Variants in OPCML observed in about 807,000 individuals in gnomAD.
OPCML encodes opioid binding protein/cell adhesion molecule like.
OPCML carries 13 observed loss-of-function variants against 37.8 expected under a neutral mutation model. The observed-to-expected ratio is 0.34, with a 90% CI of 0.22 to 0.55. The LOEUF is 0.55. Ranked by LOEUF, OPCML falls within the 20% of genes least tolerant of loss-of-function variation. The pLI, the probability that OPCML is intolerant of heterozygous loss-of-function variation, is 0.91. For synonymous variants in OPCML, 176 were observed against 168.8 expected (o/e 1.04, Z -0.33); for missense variants, 341 against 435.6 (o/e 0.78, Z 1.93).
At position 132,872,335 on chromosome 11, in the gene OPCML, G is replaced by A. The variant is rs540032531; in HGVS notation, c.146+70591C>T. On this transcript the variant is annotated intron_variant, in intron 2 of 7. Coordinates refer to ENST00000524381, the MANE Select transcript of OPCML (RefSeq NM_001012393.5). ...CCTCCTGAACGTGACTATTTTCCAA[G>A]CAACCAGATGCTATGGGCTGTTGCA... is the stretch of plus-strand genomic sequence containing the variant. Among the ~76,000 whole-genome samples the A allele has an allele frequency of 1.1e-4, 17 of 152,182 alleles. No individual in the cohort carries two copies. The South Asian group carries it at 3.1e-3, about 28-fold the overall frequency.
intron 1 of OPCML, chr11:133,439,487 A>G: frequency 1.0e-6 from 1 of 969,530 alleles, no homozygotes; most frequent in Non-Finnish European, 1.2e-6. Context: ...TTCTTTTTTG[A>G]GATGGAGTCT....
chr11:132,837,640 A>G (rs1211294042), intron 2 of OPCML, among the ~76,000 whole-genome samples: 1 of 152,212 alleles, frequency 6.6e-6, no homozygotes, highest in Non-Finnish European at 1.5e-5. Context: ...TGCAGGGGAC[A>G]GGTGTGCACA....
chr11:133,419,411 T>C (rs1945835635), intron 1 of OPCML: 3 of 819,012 alleles, frequency 3.7e-6, no homozygotes, highest in Non-Finnish European at 2.9e-6. Flanking sequence ...TCAGAAATTA[T>C]ATGAGCCAAT....
chr11:133,238,549 C>T (rs1940609702), intron 1 of OPCML, among the ~76,000 whole-genome samples: 1 of 152,166 alleles, frequency 6.6e-6, no homozygotes, highest in Non-Finnish European at 1.5e-5. Context: ...TAAGTGTATG[C>T]AGTGCTTCTG....
intron 4 of OPCML, among the ~76,000 whole-genome samples, chr11:132,521,067 G>A (rs141538661): frequency 0.014 from 2,195 of 152,096 alleles, 51 homozygotes; most frequent in African/African-American, 0.05. Flanking sequence ...TTTAATAATT[G>A]CCATTCTGAC....
intron 1 of OPCML, among the ~76,000 whole-genome samples, chr11:133,499,607 C>T (rs1013717293): frequency 6.6e-6 from 1 of 151,758 alleles, no homozygotes; most frequent in African/African-American, 2.4e-5. Context: ...GAGGCAGACT[C>T]TCTGATGGAT....
At chr11:132,887,066 G>A (rs188999683) in intron 2 of OPCML, among the ~76,000 whole-genome samples, 46 of 152,290 alleles carry the variant, frequency 3.0e-4, no homozygotes, top group African/African-American at 1.0e-3. Context: ...ATCATTCTAA[G>A]ACCCTACCTG....
At chr11:132,597,880 T>C (rs889724073) in intron 3 of OPCML, among the ~76,000 whole-genome samples, 1 of 152,378 alleles carries the variant, frequency 6.6e-6, no homozygotes, top group Non-Finnish European at 1.5e-5. Flanking sequence ...CGCATTTTAA[T>C]GTGGCATAGC....
chr11:132,690,374 C>T (rs138189358), intron 2 of OPCML, among the ~76,000 whole-genome samples: 32 of 152,306 alleles, frequency 2.1e-4, no homozygotes, highest in African/African-American at 7.2e-4. Flanking sequence ...ACATCTCTAA[C>T]AAGATTAGAT....
At chr11:133,508,017 C>A (rs1948072660) in intron 1 of OPCML, among the ~76,000 whole-genome samples, 1 of 151,940 alleles carries the variant, frequency 6.6e-6, no homozygotes, top group South Asian at 2.1e-4. Flanking sequence ...TTCCCCAACA[C>A]TAGATATTAG....
chr11:132,528,816 G>T (rs2096315637), intron 4 of OPCML, among the ~76,000 whole-genome samples: 1 of 152,058 alleles, frequency 6.6e-6, no homozygotes, highest in Non-Finnish European at 1.5e-5. Context: ...TATGTCCTTT[G>T]TTCTTCATAG....
rs1371551429 is a variant in OPCML, at chr11:132,624,315, C to T, written c.379+32772G>A. On this transcript the variant is annotated intron_variant, in intron 3 of 7. Transcript: ENST00000524381. ...CCACCACACCCTTACTGAAACTGCT[C>T]ATATCACTATCATGGTATGATAACA... Among the ~76,000 whole-genome samples the T allele has an allele frequency of 6.6e-5, 10 of 152,186 alleles. No homozygotes were observed. In the East Asian group the frequency reaches 1.7e-3, roughly 26 times the overall value.
chr11:133,238,301 G>C (rs1434857971), intron 1 of OPCML, among the ~76,000 whole-genome samples: 1 of 152,150 alleles, frequency 6.6e-6, no homozygotes, highest in East Asian at 1.9e-4. Context: ...AATGCAGCTG[G>C]TCCATGCTGA....
intron 1 of OPCML, among the ~76,000 whole-genome samples, chr11:133,243,590 T>G (rs56870155): frequency 0.033 from 4,954 of 152,158 alleles, 246 homozygotes; most frequent in African/African-American, 0.11. Context: ...GCAGAGAAAG[T>G]CAGAGCTGGG....
intron 3 of OPCML, among the ~76,000 whole-genome samples, chr11:132,548,553 C>A (rs74238163): frequency 0.071 from 10,834 of 152,172 alleles, 766 homozygotes; most frequent in African/African-American, 0.17. Context: ...TTAACACTGT[C>A]GTATAAAATA....
chr11:132,528,984 C>G (rs1308509388), intron 4 of OPCML, 77 bp downstream of exon 4: 5 of 782,862 alleles, frequency 6.4e-6, no homozygotes, highest in Middle Eastern at 2.4e-4. Flanking sequence ...TTTTCTGATT[C>G]CTGAAGCTCT....
intron 4 of OPCML, among the ~76,000 whole-genome samples, chr11:132,476,159 C>CA (rs2096154719): frequency 6.6e-6 from 1 of 152,280 alleles, no homozygotes; most frequent in South Asian, 2.1e-4. Flanking sequence ...TCTTGAAGTT[C>CA]AAAAAATCTT....
intron 1 of OPCML, among the ~76,000 whole-genome samples, chr11:133,235,231 A>G (rs1940458082): frequency 6.6e-6 from 1 of 152,196 alleles, no homozygotes; most frequent in Non-Finnish European, 1.5e-5. Context: ...TCCTCTGAAG[A>G]GTCCCCCAAA....
intron 4 of OPCML, among the ~76,000 whole-genome samples, chr11:132,496,792 G>T (rs1298726900): frequency 6.6e-6 from 1 of 152,206 alleles, no homozygotes; most frequent in African/African-American, 2.4e-5. Flanking sequence ...CTACCAGGTT[G>T]CTCTCAGATA....
Sources: gnomAD v4.1 joint callset for allele counts (sites outside exome capture counted in the v4.1 genomes callset) on GRCh38, gnomAD v4.1.1 for gene constraint, MANE v1.5 for transcripts, NCBI Gene and HGNC (gene_info 2026-07-23, HGNC 2026-07-21) for gene names.